The following GRM7 variants were observed in gnomAD, a reference collection of about 807,000 sequenced individuals.
GRM7 encodes glutamate metabotropic receptor 7, also known as metabotropic glutamate receptor 7.
In GRM7, 35 loss-of-function variants were observed where a neutral mutation model predicts 84.5. That is an observed-to-expected ratio of 0.41 (90% confidence interval 0.32 to 0.55). The LOEUF (loss-of-function observed/expected upper bound fraction) is 0.55, where lower values mean the gene tolerates loss of function less well. GRM7 is among the 20% of genes least tolerant of loss of function. The pLI, the probability that GRM7 is intolerant of heterozygous loss-of-function variation, is 0.19. For missense variants in GRM7, 1,003 were observed against 1,194.6 expected, an observed-to-expected ratio of 0.84 and a Z score of 2.36; for synonymous variants, 487 against 455.1, an observed-to-expected ratio of 1.07 and a Z score of -0.89.
At chr3:6,920,200 C>T (rs1697077024) in intron 1 of GRM7, among the ~76,000 whole-genome samples, 1 of 152,012 alleles carries the variant, frequency 6.6e-6, no homozygotes. Flanking sequence ...TTTGAGATTG[C>T]TAAGCTTTAA....
At chr3:7,345,443 C>CTTAT (rs953787682) in intron 4 of GRM7, among the ~76,000 whole-genome samples, 1 of 151,950 alleles carries the variant, frequency 6.6e-6, no homozygotes, top group Admixed American at 6.6e-5. Flanking sequence ...CCATGCCTGG[C>CTTAT]TTATTTATTT....
intron 1 of GRM7, among the ~76,000 whole-genome samples, chr3:6,961,745 C>A (rs1385180065): frequency 2.6e-5 from 4 of 152,160 alleles, no homozygotes; most frequent in African/African-American, 9.7e-5. Flanking sequence ...TTGTTCTTAA[C>A]TAGGGCAAAA....
At chr3:7,554,582 C>T (rs933456963) in intron 7 of GRM7, among the ~76,000 whole-genome samples, 3 of 152,190 alleles carry the variant, frequency 2.0e-5, no homozygotes, top group Non-Finnish European at 4.4e-5. Context: ...ATATCAGCCG[C>T]TTAGCCTAAT....
At chr3:7,262,765 T>C (rs1341133484) in intron 2 of GRM7, among the ~76,000 whole-genome samples, 1 of 152,234 alleles carries the variant, frequency 6.6e-6, no homozygotes, top group Non-Finnish European at 1.5e-5. Context: ...TGGCACAGTC[T>C]TGGCTCACTG....
intron 7 of GRM7, among the ~76,000 whole-genome samples, chr3:7,487,850 G>T (rs1164345170): frequency 6.6e-6 from 1 of 152,152 alleles, no homozygotes; most frequent in African/African-American, 2.4e-5. Context: ...CCCCAGAATT[G>T]TAGAGCTCTT....
chr3:7,301,929 A>G (rs1341710421), intron 3 of GRM7, among the ~76,000 whole-genome samples: 1 of 152,194 alleles, frequency 6.6e-6, no homozygotes, highest in Non-Finnish European at 1.5e-5. Flanking sequence ...GTGAGAAGAC[A>G]TTAATATCTA....
chr3:7,251,553 T>C (rs1028479007), intron 2 of GRM7, among the ~76,000 whole-genome samples: 1 of 152,212 alleles, frequency 6.6e-6, no homozygotes, highest in African/African-American at 2.4e-5. Context: ...AGTAGACAAT[T>C]ACATTAAAGT....
chr3:7,729,168 A>G (rs1418771778), intron 9 of GRM7, among the ~76,000 whole-genome samples: 1 of 152,134 alleles, frequency 6.6e-6, no homozygotes, highest in Admixed American at 6.6e-5. Context: ...GGTAACCCCA[A>G]CATCAATACT....
intron 3 of GRM7, among the ~76,000 whole-genome samples, chr3:7,302,091 A>G (rs979218788): frequency 1.3e-5 from 2 of 152,020 alleles, no homozygotes; most frequent in Non-Finnish European, 2.9e-5. Context: ...AAGTTTTTTT[A>G]TTGTTTTTTT....
At chr3:7,499,380 C>T (rs926684613) in intron 7 of GRM7, among the ~76,000 whole-genome samples, 4 of 152,120 alleles carry the variant, frequency 2.6e-5, no homozygotes, top group African/African-American at 9.7e-5. Context: ...GATACTGCCT[C>T]CTGATAGTCA....
chr3:7,560,990 GA>G (rs1693999515), intron 7 of GRM7, among the ~76,000 whole-genome samples: 1 of 152,112 alleles, frequency 6.6e-6, no homozygotes, highest in African/African-American at 2.4e-5. Context: ...GATAGCCCTT[GA>G]ATGAATAATG....
intron 5 of GRM7, among the ~76,000 whole-genome samples, chr3:7,445,816 A>C (rs1697480985): frequency 6.6e-6 from 1 of 152,130 alleles, no homozygotes; most frequent in African/African-American, 2.4e-5. Context: ...AGAGTTATTT[A>C]TCTGTTTATC....
chr3:6,901,801 T>C (rs1440188921), intron 1 of GRM7, among the ~76,000 whole-genome samples: 5 of 151,814 alleles, frequency 3.3e-5, no homozygotes, highest in Non-Finnish European at 7.4e-5. Flanking sequence ...AATTTTTATT[T>C]TAGCTTTAAT....
At chr3:7,125,602 T>A (rs1295271278) in intron 1 of GRM7, among the ~76,000 whole-genome samples, 2 of 152,220 alleles carry the variant, frequency 1.3e-5, no homozygotes, top group African/African-American at 4.8e-5. Flanking sequence ...GCACATTTAT[T>A]TATTTTCTAC....
chr3:7,631,797 A>T lies in GRM7; in HGVS notation c.2452-48252A>T, dbSNP rs372041896. On this transcript the variant is annotated intron_variant, in intron 8 of 9. Coordinates refer to ENST00000357716, the MANE Select transcript of GRM7 (RefSeq NM_000844.4). ...TTTGCCAAATGTTCCCCAGGGTGAG[A>T]ATAGGGTCAAAATTGCCCTGGGTTG... Among the ~76,000 whole-genome samples, 3 of 152,102 alleles carry T rather than the reference A, an allele frequency of 2.0e-5. No homozygotes were observed. In the South Asian group the frequency reaches 6.2e-4, roughly 32 times the overall value.
intron 2 of GRM7, among the ~76,000 whole-genome samples, chr3:7,284,167 A>G (rs575384049): frequency 7.4e-4 from 113 of 152,298 alleles, no homozygotes; most frequent in South Asian, 2.3e-3. Context: ...TTAATTAGCT[A>G]AGTAGAAATC....
chr3:7,538,653 T>G (rs1692694796), intron 7 of GRM7, among the ~76,000 whole-genome samples: 1 of 152,132 alleles, frequency 6.6e-6, no homozygotes, highest in South Asian at 2.1e-4. Context: ...CATCACTGAG[T>G]GCCTGCAAGT....
chr3:6,951,551 T>G (rs117317050), intron 1 of GRM7, among the ~76,000 whole-genome samples: 4,528 of 152,304 alleles, frequency 0.03, 192 homozygotes, highest in East Asian at 0.22. Context: ...TCCTAGGTTA[T>G]TTTGCAGTAC....
intron 8 of GRM7, among the ~76,000 whole-genome samples, chr3:7,619,655 C>A (rs1212053272): frequency 1.3e-5 from 2 of 151,866 alleles, no homozygotes; most frequent in African/African-American, 4.8e-5. Context: ...GTGGAAGTAT[C>A]CAGAGATCTA....
Sources: allele counts gnomAD v4.1 joint callset (sites outside exome capture counted in the v4.1 genomes callset), GRCh38; gene constraint gnomAD v4.1.1; transcripts MANE v1.5; gene names NCBI Gene and HGNC (gene_info 2026-07-23, HGNC 2026-07-21).